Variants in CDA observed in about 807,000 individuals in gnomAD.
CDA encodes cytidine deaminase.
In CDA, 7 loss-of-function variants were observed where a neutral mutation model predicts 15.0. That is an observed-to-expected ratio of 0.47 (90% CI 0.26 to 0.87). CDA has a LOEUF of 0.87. Among genes scored for constraint, CDA ranks in the 40% least tolerant of loss-of-function variants. The probability of loss-of-function intolerance (pLI) is 0.15; values close to 1 mark genes in which losing one functional copy is unlikely to be tolerated. For missense variants in CDA, 159 were observed against 182.7 expected (o/e 0.87, Z 0.75); for synonymous variants, 58 against 73.0 (o/e 0.79, Z 1.05).
chr1:20,603,940 G>A (rs2052670372), intron 1 of CDA, among the ~76,000 whole-genome samples: 1 of 152,182 alleles, frequency 6.6e-6, no homozygotes, highest in Non-Finnish European at 1.5e-5. Flanking sequence ...CTCCCTTACT[G>A]AGAGCTGGGC....
At chr1:20,594,640 T>A (rs902857981) in intron 1 of CDA, among the ~76,000 whole-genome samples, 4 of 151,192 alleles carry the variant, frequency 2.6e-5, no homozygotes, top group Admixed American at 2.0e-4. Flanking sequence ...ATACAAAAAA[T>A]TAGCCAGGTA....
At position 20,600,949 on chromosome 1, in the gene CDA, A is replaced by T. The variant is rs141591433; in HGVS notation, c.155-3979A>T. Among the ~76,000 whole-genome samples, 58 of 152,236 alleles carry T rather than the reference A, an allele frequency of 3.8e-4. 1 individual carries two copies. The East Asian group carries it at 0.011, about 29-fold the overall frequency. ...AATAACTAACATTTAAATAAACAAA[A>T]GCTCTCAGGGTTGCAACTTCCTGAT... On this transcript the variant is annotated intron_variant, in intron 1 of 3. Coordinates refer to ENST00000375071, the MANE Select transcript of CDA (RefSeq NM_001785.3).
In CDA at chr1:20,589,111, G is replaced by C; in HGVS notation, c.-19G>C. The C allele has an allele frequency of 2.5e-6, 4 of 1,613,982 alleles. No homozygotes were observed. The highest frequency in any genetic ancestry group is 3.4e-6 in the Non-Finnish European group (4 of 1,179,982). On this transcript the variant is annotated 5_prime_UTR_variant, in exon 1 of 4. Transcript: ENST00000375071. ...AGCTCCTGTTTCCCGCTGCTCTGCT[G>C]CCTGCCCGGGGTACCAACATGGCCC...
At chr1:20,594,335 T>C (rs753265394) in intron 1 of CDA, among the ~76,000 whole-genome samples, 1 of 152,004 alleles carries the variant, frequency 6.6e-6, no homozygotes, top group African/African-American at 2.4e-5. Context: ...GTTTTCATGA[T>C]GCACCTCGGG....
chr1:20,618,778 C>A lies in CDA; in HGVS notation c.*210C>A, dbSNP rs2052846290. 2 of 561,234 alleles carry A rather than the reference C, an allele frequency of 3.6e-6. No homozygotes were observed. The highest frequency in any genetic ancestry group is 3.8e-5 in the South Asian group (2 of 52,734). The allele number at this position is 561,234 out of a possible 1,614,324, so 34.8% of individuals were successfully genotyped here. A position where few individuals can be genotyped will look rare whatever the true frequency, so the allele number is the denominator to read the frequency against. ...ACCGCCGCCCCCTGCCCCACCTTTC[C>A]TTTCCTTCCTGTGGGCCCTCTTTCA... On this transcript the variant is annotated 3_prime_UTR_variant, in exon 4 of 4. Coordinates refer to ENST00000375071, the MANE Select transcript of CDA (RefSeq NM_001785.3).
chr1:20,602,434 T>C (rs2052653286), intron 1 of CDA, among the ~76,000 whole-genome samples: 1 of 151,846 alleles, frequency 6.6e-6, no homozygotes. Flanking sequence ...TTTTTTTCGT[T>C]GTGTTTTGAA....
chr1:20,595,796 C>T (rs1409002528), intron 1 of CDA, among the ~76,000 whole-genome samples: 5 of 148,568 alleles, frequency 3.4e-5, no homozygotes, highest in African/African-American at 1.0e-4. Context: ...GCCGTGAGCA[C>T]GCCACTGCAC....
chr1:20,606,951 T>C (rs2052699968), intron 2 of CDA, among the ~76,000 whole-genome samples: 1 of 152,158 alleles, frequency 6.6e-6, no homozygotes, highest in African/African-American at 2.4e-5. Context: ...AACAAGTTAA[T>C]GATGCAAGAA....
intron 2 of CDA, among the ~76,000 whole-genome samples, chr1:20,612,711 G>C (rs112453792): frequency 0.025 from 3,779 of 152,114 alleles, 158 homozygotes; most frequent in African/African-American, 0.085. Flanking sequence ...CCTGGAGGCC[G>C]AGGTGGGCGG....
chr1:20,593,371 T>G (rs2052565647), intron 1 of CDA, among the ~76,000 whole-genome samples: 1 of 152,294 alleles, frequency 6.6e-6, no homozygotes, highest in East Asian at 1.9e-4. Flanking sequence ...ATCAGAGTAC[T>G]TCCTATGGTC....
chr1:20,616,417 T>C (rs926808394), intron 3 of CDA, among the ~76,000 whole-genome samples: 5 of 152,094 alleles, frequency 3.3e-5, no homozygotes, highest in African/African-American at 9.7e-5. Context: ...TCCTCCTGCT[T>C]CCTGCCAGGA....
At chr1:20,612,885 G>A (rs1380306838) in intron 2 of CDA, among the ~76,000 whole-genome samples, 1 of 141,852 alleles carries the variant, frequency 7.0e-6, no homozygotes, top group African/African-American at 2.6e-5. Flanking sequence ...GGAGGTTTCA[G>A]TGAGCCAAGA....
intron 1 of CDA, among the ~76,000 whole-genome samples, chr1:20,600,630 C>G (rs2052634297): frequency 6.6e-6 from 1 of 151,852 alleles, no homozygotes; most frequent in Non-Finnish European, 1.5e-5. Context: ...GTGATGCACA[C>G]CTGTAATCCC....
chr1:20,599,289 C>A (rs2052617768), intron 1 of CDA, among the ~76,000 whole-genome samples: 1 of 152,072 alleles, frequency 6.6e-6, no homozygotes, highest in East Asian at 1.9e-4. Context: ...TCACATATGA[C>A]CTTGGCACCA....
intron 1 of CDA, among the ~76,000 whole-genome samples, chr1:20,590,874 T>G (rs1293868113): frequency 6.6e-6 from 1 of 152,144 alleles, no homozygotes. Context: ...GGGCTCAGCA[T>G]GTTCGGCCAC....
intron 2 of CDA, among the ~76,000 whole-genome samples, chr1:20,607,621 T>C (rs868664420): frequency 2.0e-5 from 3 of 152,340 alleles, no homozygotes; most frequent in Admixed American, 6.5e-5. Flanking sequence ...TTGGTCATTA[T>C]CGACTTTTAA....
intron 1 of CDA, among the ~76,000 whole-genome samples, chr1:20,591,517 G>T (rs2052548471): frequency 6.6e-6 from 1 of 152,184 alleles, no homozygotes; most frequent in Non-Finnish European, 1.5e-5. Flanking sequence ...AGGTGCTGGG[G>T]ATATCACAGT....
At chr1:20,603,533 C>T (rs2052666374) in intron 1 of CDA, among the ~76,000 whole-genome samples, 1 of 152,174 alleles carries the variant, frequency 6.6e-6, no homozygotes, top group South Asian at 2.1e-4. Context: ...CAGAAATTTC[C>T]CACATCACCT....
intron 1 of CDA, among the ~76,000 whole-genome samples, chr1:20,599,945 G>C (rs1446185245): frequency 6.6e-6 from 1 of 152,210 alleles, no homozygotes; most frequent in Admixed American, 6.5e-5. Flanking sequence ...CCTCAAAGAG[G>C]TTCAGTCCCT....
Sources: gnomAD v4.1 joint callset for allele counts (sites outside exome capture counted in the v4.1 genomes callset) on GRCh38, gnomAD v4.1.1 for gene constraint, MANE v1.5 for transcripts, NCBI Gene and HGNC (gene_info 2026-07-23, HGNC 2026-07-21) for gene names.